MTFR1: variants seen among roughly 807,000 people sequenced by gnomAD.
MTFR1 encodes chondrocyte protein with a poly-proline region.
In MTFR1, 28 loss-of-function variants were observed where a neutral mutation model predicts 38.8. That is an observed-to-expected ratio of 0.72 (90% confidence interval 0.53 to 0.99). The LOEUF is 0.99. Among genes scored for constraint, MTFR1 ranks in the 50% least tolerant of loss-of-function variants. The pLI, the probability that MTFR1 is intolerant of heterozygous loss-of-function variation, is 0.00. For synonymous variants in MTFR1, 145 were observed against 137.0 expected (o/e 1.06, Z -0.41); for missense variants, 358 against 395.5 (o/e 0.91, Z 0.81).
chr8:65,769,256 A>G (rs1808955333), intron 3 of MTFR1, among the ~76,000 whole-genome samples: 1 of 151,770 alleles, frequency 6.6e-6, no homozygotes, highest in Admixed American at 6.6e-5. Context: ...TCAAAAAAAA[A>G]AAAAAAAAAA....
chr8:65,688,583 G>A (rs1382029865), intron 3 of MTFR1, among the ~76,000 whole-genome samples: 3 of 150,202 alleles, frequency 2.0e-5, no homozygotes, highest in South Asian at 2.1e-4. Context: ...TGAGTAGCTG[G>A]GACTACAGGC....
At chr8:65,769,289 A>AT (rs1346394631) in intron 3 of MTFR1, among the ~76,000 whole-genome samples, 1 of 150,266 alleles carries the variant, frequency 6.7e-6, no homozygotes, top group Non-Finnish European at 1.5e-5. Flanking sequence ...GCATGCACAT[A>AT]TTTTTTTTAA....
rs1180126334 is a variant in MTFR1 at position 65,678,662 on chromosome 8, A to T, written c.67-3691A>T. On this transcript the variant is annotated intron_variant, in intron 2 of 7. Transcript: ENST00000262146. ...ATGCCTGTAATCCCAGCACTTTGGGAGGCCGAGACGATTAGATCACCTGAG... is the reference window on the plus strand; with the variant it reads ...ATGCCTGTAATCCCAGCACTTTGGGTGGCCGAGACGATTAGATCACCTGAG... Among the ~76,000 whole-genome samples the T allele has an allele frequency of 2.0e-5, 3 of 152,148 alleles. No homozygotes were observed. The East Asian group carries it at 5.8e-4, about 29-fold the overall frequency.
chr8:65,663,604 T>G (rs1212906423), intron 1 of MTFR1, among the ~76,000 whole-genome samples: 1 of 146,264 alleles, frequency 6.8e-6, no homozygotes, highest in Non-Finnish European at 1.5e-5. Flanking sequence ...ACCCCCAAAA[T>G]GTGAAGAAAA....
At chr8:65,714,799 G>A (rs1460781131), downstream of MTFR1, 2 of 151,968 alleles carry the variant, frequency 1.3e-5, no homozygotes, top group Admixed American at 1.3e-4. Flanking sequence ...AAAGCATTTT[G>A]GAAAAAAAGA....
intron 3 of MTFR1, chr8:65,727,436 G>T (rs1422942288): frequency 8.1e-7 from 1 of 1,239,200 alleles, no homozygotes; most frequent in African/African-American, 1.5e-5. Context: ...TCAGGTGGTT[G>T]TTCATTAGGT....
At chr8:65,729,241 A>G (rs189674667) in intron 3 of MTFR1, among the ~76,000 whole-genome samples, 19 of 152,270 alleles carry the variant, frequency 1.2e-4, no homozygotes, top group African/African-American at 3.8e-4. Context: ...TTTTCAATAA[A>G]ATAGAAAACT....
At chr8:65,721,979 G>GT (rs1477678043) in intron 3 of MTFR1, 1 of 151,916 alleles carries the variant, frequency 6.6e-6, no homozygotes, top group Non-Finnish European at 1.5e-5. Context: ...TAGTAGAAAC[G>GT]TGAGTTTCAC....
intron 1 of MTFR1, among the ~76,000 whole-genome samples, chr8:65,658,499 C>G (rs1809326903): frequency 6.6e-6 from 1 of 152,054 alleles, no homozygotes; most frequent in South Asian, 2.1e-4. Context: ...AGCTGCCAAC[C>G]AAAATTAATT....
At chr8:65,712,133 G>A (rs986509530), downstream of MTFR1, among the ~76,000 whole-genome samples, 17 of 152,130 alleles carry the variant, frequency 1.1e-4, no homozygotes, top group African/African-American at 3.9e-4. Flanking sequence ...ACTTTTTATC[G>A]AAAGGTGAAA....
intron 3 of MTFR1, among the ~76,000 whole-genome samples, chr8:65,755,029 T>G (rs2128910702): frequency 6.6e-6 from 1 of 151,334 alleles, no homozygotes. Flanking sequence ...CACTTATTTT[T>G]TTTTTTTTTG....
intron 3 of MTFR1, among the ~76,000 whole-genome samples, chr8:65,736,611 TGTG>T (rs986651640): frequency 5.9e-5 from 9 of 151,798 alleles, no homozygotes; most frequent in African/African-American, 2.2e-4. Flanking sequence ...TGTAGTCTGG[TGTG>T]GTGGTGCACA....
chr8:65,687,885 A>C (rs1805138258), intron 3 of MTFR1, among the ~76,000 whole-genome samples: 1 of 151,904 alleles, frequency 6.6e-6, no homozygotes, highest in Non-Finnish European at 1.5e-5. Context: ...GAATCACCTG[A>C]GGTTGGGAGT....
At chr8:65,772,841 T>A (rs1277709343), downstream of MTFR1, among the ~76,000 whole-genome samples, 3 of 151,722 alleles carry the variant, frequency 2.0e-5, no homozygotes. Context: ...CTATCTTTAA[T>A]AAAAATACAA....
chr8:65,697,099 C>T (rs1386954915), intron 4 of MTFR1, among the ~76,000 whole-genome samples: 4 of 151,894 alleles, frequency 2.6e-5, no homozygotes, highest in Admixed American at 2.0e-4. Context: ...ATTCCCCTGC[C>T]TCAGCCTCCC....
At chr8:65,739,454 T>C (rs369688593) in intron 3 of MTFR1, 2 of 1,503,452 alleles carry the variant, frequency 1.3e-6, no homozygotes, top group Non-Finnish European at 1.8e-6. Flanking sequence ...AAACAGGTTC[T>C]TGTATAAATG....
chr8:65,736,790 G>GTTTT (rs34814975), intron 3 of MTFR1, among the ~76,000 whole-genome samples: 4 of 128,806 alleles, frequency 3.1e-5, no homozygotes, highest in Non-Finnish European at 4.8e-5. Context: ...AAATTTATCT[G>GTTTT]TTTTTTTTTT....
chr8:65,725,019 C>G, intron 3 of MTFR1: 1 of 605,412 alleles, frequency 1.7e-6, no homozygotes, highest in Non-Finnish European at 2.6e-6. Context: ...CTTTATAGAA[C>G]CCTAAAATAT....
intron 3 of MTFR1, among the ~76,000 whole-genome samples, chr8:65,749,613 C>T (rs1807842061): frequency 2.0e-5 from 3 of 152,202 alleles, no homozygotes; most frequent in South Asian, 2.1e-4. Context: ...AAGCAATGTT[C>T]CAAGTGCTTT....
Sources: allele counts gnomAD v4.1 joint callset (sites outside exome capture counted in the v4.1 genomes callset), GRCh38; gene constraint gnomAD v4.1.1; transcripts MANE v1.5; gene names NCBI Gene and HGNC (gene_info 2026-07-23, HGNC 2026-07-21).